Variants in MED12L observed in about 807,000 individuals in gnomAD.
The protein encoded by MED12L is mediator of RNA polymerase II transcription subunit 12-like protein.
Under a neutral mutation model 281.3 loss-of-function variants are expected in MED12L, and 60 were observed. The observed-to-expected ratio is 0.21, with a 90% CI of 0.17 to 0.26. MED12L has a LOEUF of 0.26. MED12L is among the 10% of genes least tolerant of loss of function. The probability of loss-of-function intolerance (pLI) is 1.00; values close to 1 mark genes in which losing one functional copy is unlikely to be tolerated. For synonymous variants in MED12L, 974 were observed against 987.2 expected (o/e 0.99, Z 0.25); for missense variants, 2,146 against 2,680.9 (o/e 0.80, Z 4.41).
intron 5 of MED12L, among the ~76,000 whole-genome samples, chr3:151,145,577 A>G (rs1717652652): frequency 6.6e-6 from 1 of 152,236 alleles, no homozygotes; most frequent in Non-Finnish European, 1.5e-5. Context: ...CAGTGTCAGT[A>G]TGCTGGTTGC....
intron 16 of MED12L, among the ~76,000 whole-genome samples, chr3:151,343,641 T>A (rs1752157064): frequency 6.6e-6 from 1 of 152,218 alleles, no homozygotes; most frequent in African/African-American, 2.4e-5. Context: ...ACATACAGTT[T>A]GTAGTTATTT....
At chr3:151,260,460 C>T (rs1386239871) in intron 16 of MED12L, among the ~76,000 whole-genome samples, 1 of 152,092 alleles carries the variant, frequency 6.6e-6, no homozygotes, top group Non-Finnish European at 1.5e-5. Flanking sequence ...AGCAGTCCTC[C>T]CATATTAGCC....
chr3:151,429,414 GA>G (rs935532482), intron 43 of MED12L, among the ~76,000 whole-genome samples: 6 of 152,186 alleles, frequency 3.9e-5, no homozygotes, highest in African/African-American at 1.4e-4. Context: ...GCCTGTGTCA[GA>G]ACGCCTCGTT....
intron 11 of MED12L, among the ~76,000 whole-genome samples, chr3:151,178,032 G>T (rs1255983026): frequency 6.6e-6 from 1 of 151,518 alleles, no homozygotes; most frequent in African/African-American, 2.4e-5. Flanking sequence ...TGCTTACATT[G>T]TTCAACTTCT....
intron 16 of MED12L, chr3:151,193,882 A>G (rs1233591315): frequency 2.3e-6 from 1 of 440,866 alleles, no homozygotes; most frequent in East Asian, 3.3e-5. Context: ...GATTTAGAAA[A>G]TGAAATTTTC....
chr3:151,193,159 A>G (rs1576930851), intron 15 of MED12L, among the ~76,000 whole-genome samples: 4 of 152,186 alleles, frequency 2.6e-5, no homozygotes, highest in East Asian at 3.8e-4. Flanking sequence ...ATTATTATGT[A>G]TATGTTTCTG....
At chr3:151,144,569 T>C (rs2148882451) in intron 5 of MED12L, among the ~76,000 whole-genome samples, 2 of 152,324 alleles carry the variant, frequency 1.3e-5, no homozygotes, top group South Asian at 4.1e-4. Flanking sequence ...GCTGGTCTCT[T>C]TTCTTCTGAA....
Position 151,377,995 on chromosome 3 carries a change from C to T in MED12L, c.4317-17C>T, listed in dbSNP as rs767999681. ...AAAGGATGCTTTCTCCGGTGTAACA[C>T]CTGTTTCTGATTTTAGTTCCTCCGA... On this transcript the variant is annotated splice_polypyrimidine_tract_variant and intron_variant, in intron 30 of 44. Coordinates refer to ENST00000687756, the MANE Select transcript of MED12L (RefSeq NM_001393769.1). The T allele has an allele frequency of 5.7e-6, 9 of 1,581,438 alleles. No individual in the cohort carries two copies. Among genetic ancestry groups the T allele is most frequent in the Non-Finnish European group, 7.8e-6 (9 of 1,160,870 alleles).
At chr3:151,396,405 A>C (rs1714974922) in intron 39 of MED12L, among the ~76,000 whole-genome samples, 1 of 152,176 alleles carries the variant, frequency 6.6e-6, no homozygotes, top group Non-Finnish European at 1.5e-5. Flanking sequence ...AGGCAGGTGG[A>C]TCACTTGAGG....
rs752493417 is a variant in MED12L, at chr3:151,376,977, A to C, written c.4129-14A>C. ...AATACACATATGTGCCAGTATTCTT[A>C]TATCTAACTCTAGGGCTCTGGTTCT... On this transcript the variant is annotated splice_polypyrimidine_tract_variant and intron_variant, in intron 29 of 44. Transcript: ENST00000687756. 1 of 1,612,788 alleles carries C rather than the reference A, an allele frequency of 6.2e-7. No homozygotes were observed. The highest frequency in any genetic ancestry group is 1.1e-5 in the South Asian group (1 of 90,964).
chr3:151,313,917 C>G (rs567735589), intron 16 of MED12L, among the ~76,000 whole-genome samples: 10 of 116,848 alleles, frequency 8.6e-5, no homozygotes, highest in Admixed American at 2.7e-4. Context: ...AGCGAGACTC[C>G]GTCTCAAAAA....
At chr3:151,123,474 T>G (rs561631760) in intron 4 of MED12L, among the ~76,000 whole-genome samples, 20 of 152,328 alleles carry the variant, frequency 1.3e-4, no homozygotes, top group Admixed American at 9.8e-4. Flanking sequence ...ATTCATAGCT[T>G]CTAGCTTTTT....
chr3:151,087,282 C>T (rs902805020), intron 2 of MED12L, among the ~76,000 whole-genome samples: 3 of 152,208 alleles, frequency 2.0e-5, no homozygotes, highest in African/African-American at 4.8e-5. Flanking sequence ...TGCACGGCGC[C>T]GCCGGGCGCT....
chr3:151,210,170 T>C (rs1327070595), intron 16 of MED12L, among the ~76,000 whole-genome samples: 2 of 152,208 alleles, frequency 1.3e-5, no homozygotes, highest in Non-Finnish European at 2.9e-5. Flanking sequence ...CTTGCTCTTA[T>C]TAGGTCAAAT....
intron 16 of MED12L, among the ~76,000 whole-genome samples, chr3:151,311,862 TA>T (rs1747570524): frequency 6.6e-6 from 1 of 152,150 alleles, no homozygotes; most frequent in Admixed American, 6.5e-5. Flanking sequence ...CTGTCTCTAC[TA>T]AAAATACAAA....
At chr3:151,267,162 A>G (rs1474320973) in intron 16 of MED12L, among the ~76,000 whole-genome samples, 3 of 152,206 alleles carry the variant, frequency 2.0e-5, no homozygotes, top group Non-Finnish European at 4.4e-5. Flanking sequence ...TATCAACTAA[A>G]CACTTCATGG....
intron 5 of MED12L, among the ~76,000 whole-genome samples, chr3:151,142,551 C>G (rs1475783524): frequency 6.6e-6 from 1 of 152,282 alleles, no homozygotes; most frequent in Admixed American, 6.5e-5. Flanking sequence ...ACCTCTATCC[C>G]AGACCCCTCC....
At chr3:151,146,534 G>A (rs548860354) in intron 5 of MED12L, among the ~76,000 whole-genome samples, 2 of 152,212 alleles carry the variant, frequency 1.3e-5, no homozygotes, top group South Asian at 4.2e-4. Flanking sequence ...GCTACATATT[G>A]ATGGGTTTTA....
intron 20 of MED12L, among the ~76,000 whole-genome samples, chr3:151,358,748 C>A (rs1363108788): frequency 6.6e-6 from 1 of 152,102 alleles, no homozygotes; most frequent in Non-Finnish European, 1.5e-5. Flanking sequence ...TATTTCACTT[C>A]TTCGTACTTA....
Sources: allele counts gnomAD v4.1 joint callset (sites outside exome capture counted in the v4.1 genomes callset), GRCh38; gene constraint gnomAD v4.1.1; transcripts MANE v1.5; gene names NCBI Gene and HGNC (gene_info 2026-07-23, HGNC 2026-07-21).